The following ATXN10 variants were observed in gnomAD, a reference collection of about 807,000 sequenced individuals.
ATXN10 encodes ataxin-10.
Under a neutral mutation model 52.9 loss-of-function variants are expected in ATXN10, and 28 were observed. The ratio of observed to expected loss-of-function variants is 0.53; its 90% CI spans 0.39 to 0.73. ATXN10 has a LOEUF of 0.73. ATXN10 is among the 30% of genes least tolerant of loss of function. The pLI is 0.00. For missense variants in ATXN10, 565 were observed against 577.0 expected (o/e 0.98, Z 0.21); for synonymous variants, 226 against 221.5 (o/e 1.02, Z -0.18).
intron 9 of ATXN10, among the ~76,000 whole-genome samples, chr22:45,788,438 C>A (rs1927393594): frequency 6.6e-6 from 1 of 151,172 alleles, no homozygotes; most frequent in Admixed American, 6.6e-5. Flanking sequence ...GTCTGATCTA[C>A]CTTTACCATG....
chr22:45,794,106 G>A (rs1927620793), intron 9 of ATXN10, among the ~76,000 whole-genome samples: 1 of 152,214 alleles, frequency 6.6e-6, no homozygotes, highest in Admixed American at 6.5e-5. Flanking sequence ...ACTTCTGGGT[G>A]TTGCCATGGC....
rs1444144434 is a variant in ATXN10 at position 45,783,975 on chromosome 22, C to T, written c.1174-22984C>T. Among the ~76,000 whole-genome samples the T allele has an allele frequency of 6.6e-6, 1 of 152,164 alleles. No homozygotes were observed. Among genetic ancestry groups the T allele is most frequent in the Non-Finnish European group, 1.5e-5 (1 of 68,016 alleles). ...GCTGAGGCTGGCGGCCCACTACCCG[C>T]ATTTGTCCCTGACTGCTTTGCAGGC... is the stretch of plus-strand genomic sequence containing the variant. On this transcript the variant is annotated intron_variant, in intron 9 of 11. Transcript: ENST00000252934. The surrounding 1 kb of genome is among the most constrained non-coding windows in gnomAD (Gnocchi z 5.0).
At chr22:45,679,177 T>C (rs967363714) in intron 1 of ATXN10, 21 of 152,262 alleles carry the variant, frequency 1.4e-4, no homozygotes, top group Middle Eastern at 3.4e-3. Flanking sequence ...CTCACTAGAG[T>C]GAGAGCAGCC....
In ATXN10 at chr22:45,750,855, G is replaced by A. The variant is rs1183285897; in HGVS notation, c.1173+10317G>A. Among the ~76,000 whole-genome samples, 3 of 152,142 alleles carry A rather than the reference G, an allele frequency of 2.0e-5. No individual in the cohort carries two copies. Among genetic ancestry groups the A allele is most frequent in the African/African-American group, 7.2e-5 (3 of 41,458 alleles). On this transcript the variant is annotated intron_variant, in intron 9 of 11. Coordinates refer to ENST00000252934, the MANE Select transcript of ATXN10 (RefSeq NM_013236.4). This position sits in a 1 kb window ranked among gnomAD's most constrained non-coding sequence, Gnocchi z 4.2. ...TACAAAAGCTTGTAAAAAAGCTTAT[G>A]TAAAGAGTTTTTCTCCATGATAAGA...
rs187016417 is a variant in ATXN10, at chr22:45,763,269, G to A, written c.1173+22731G>A. 2.0e-4 allele frequency among the ~76,000 whole-genome samples: 30 copies of A among 152,276 alleles called. No individual in the cohort carries two copies. In the East Asian group the frequency reaches 4.2e-3, roughly 22 times the overall value. On this transcript the variant is annotated intron_variant, in intron 9 of 11. Coordinates refer to ENST00000252934, the MANE Select transcript of ATXN10 (RefSeq NM_013236.4). This position sits in a 1 kb window ranked among gnomAD's most constrained non-coding sequence, Gnocchi z 6.9. ...AGTGAGGTGGTGAGGTGGGCCTGGC[G>A]TGTTCAAGGCAGAGAAGGAAGGAAC...
Position 45,837,425 on chromosome 22 carries a change from C to G in ATXN10, c.1238-5566C>G, listed in dbSNP as rs1267787337. Among the ~76,000 whole-genome samples, 2 of 152,062 alleles carry G rather than the reference C, an allele frequency of 1.3e-5. No individual in the cohort carries two copies. Among genetic ancestry groups the G allele is most frequent in the Non-Finnish European group, 2.9e-5 (2 of 68,020 alleles). ...GCAGGCGGCTCACCAGCACGCCCAG[C>G]TGATTTTTTTGTATATTTAGTAGAG... On this transcript the variant is annotated intron_variant, in intron 10 of 11. Transcript: ENST00000252934. This position sits in a 1 kb window ranked among gnomAD's most constrained non-coding sequence, Gnocchi z 5.8.
intron 9 of ATXN10, chr22:45,793,666 A>G (rs766158392): frequency 7.0e-7 from 1 of 1,422,802 alleles, no homozygotes; most frequent in Admixed American, 2.4e-5. Flanking sequence ...CAGGTGCCAC[A>G]GCATCTCAAG....
intron 9 of ATXN10, among the ~76,000 whole-genome samples, chr22:45,791,581 G>T (rs1048568776): frequency 6.6e-6 from 1 of 152,134 alleles, no homozygotes; most frequent in African/African-American, 2.4e-5. Context: ...GTTCATTGTA[G>T]ATTTTCTGAT....
In ATXN10 at chr22:45,730,781, C is replaced by T. The variant is rs183003135; in HGVS notation, c.894+1191C>T. The stretch of plus-strand genomic sequence containing the variant: ...ACTTATTTTAGATAATACTGTAGTA[C>T]ATGCCTTTATAGTTACATCTTTGCA... On this transcript the variant is annotated intron_variant, in intron 7 of 11. Coordinates refer to ENST00000252934, the MANE Select transcript of ATXN10 (RefSeq NM_013236.4). Among the ~76,000 whole-genome samples, 113 of 152,278 alleles carry T rather than the reference C, an allele frequency of 7.4e-4. 1 individual carries two copies. The highest frequency in any genetic ancestry group is 3.4e-3 in the Middle Eastern group (1 of 294).
At chr22:45,695,001 G>A (rs1923545981) in intron 3 of ATXN10, among the ~76,000 whole-genome samples, 2 of 149,420 alleles carry the variant, frequency 1.3e-5, no homozygotes, top group South Asian at 4.3e-4. Flanking sequence ...AAATTTCCAG[G>A]TGGATAAGTT....
At chr22:45,714,569 A>G (rs1924375352) in intron 5 of ATXN10, among the ~76,000 whole-genome samples, 2 of 151,942 alleles carry the variant, frequency 1.3e-5, no homozygotes, top group East Asian at 3.9e-4. Flanking sequence ...TTTTGTAGAG[A>G]TGGGGTCTCA....
At chr22:45,680,441 A>G (rs1922875398) in intron 1 of ATXN10, among the ~76,000 whole-genome samples, 1 of 152,206 alleles carries the variant, frequency 6.6e-6, no homozygotes, top group African/African-American at 2.4e-5. Context: ...ATAAAATTGC[A>G]GCAGGGTTTT....
rs529684335 is a variant in ATXN10 at position 45,713,833 on chromosome 22, C to T, written c.648-4580C>T. On this transcript the variant is annotated intron_variant, in intron 5 of 11. Coordinates refer to ENST00000252934, the MANE Select transcript of ATXN10 (RefSeq NM_013236.4). The stretch of plus-strand genomic sequence containing the variant: ...TTCCATATTCCTATATAAAGACTTT[C>T]CTCAGTTAAAGATCTTTCATTGTAT... Among the ~76,000 whole-genome samples the T allele has an allele frequency of 2.0e-5, 3 of 152,204 alleles. No homozygotes were observed. In the East Asian group the frequency reaches 5.8e-4, roughly 29 times the overall value.
chr22:45,717,072 C>CT (rs1924476003), intron 5 of ATXN10, among the ~76,000 whole-genome samples: 1 of 152,102 alleles, frequency 6.6e-6, no homozygotes, highest in South Asian at 2.1e-4. Context: ...TTTCTAAGTC[C>CT]TTTTTTTCCC....
chr22:45,704,125 C>CTT (rs56862831), intron 5 of ATXN10: 96 of 140,554 alleles, frequency 6.8e-4, no homozygotes, highest in East Asian at 1.6e-3. Context: ...CTGTTCAGTG[C>CTT]TTTTTTTTTT....
rs1398035360 is a variant in ATXN10, at chr22:45,708,099, G to A, written c.647+5252G>A. 6.6e-6 allele frequency among the ~76,000 whole-genome samples: 1 copy of A among 152,212 alleles called. No homozygotes were observed. The highest frequency in any genetic ancestry group is 2.4e-5 in the African/African-American group (1 of 41,446). The stretch of plus-strand genomic sequence containing the variant: ...TTGAGTATACTAGAGACACAGGAAA[G>A]TGTAGGCGAGAAAGTCTTTGGCACT... On this transcript the variant is annotated intron_variant, in intron 5 of 11. Coordinates refer to ENST00000252934, the MANE Select transcript of ATXN10 (RefSeq NM_013236.4). The surrounding 1 kb of genome is among the most constrained non-coding windows in gnomAD (Gnocchi z 5.3).
At chr22:45,773,523 A>G (rs567504899) in intron 9 of ATXN10, among the ~76,000 whole-genome samples, 14 of 152,076 alleles carry the variant, frequency 9.2e-5, no homozygotes, top group Middle Eastern at 3.4e-3. Context: ...CAGTGGTGCA[A>G]TCTCGGCTCA....
chr22:45,767,896 T>G (rs540554557), intron 9 of ATXN10, among the ~76,000 whole-genome samples: 1 of 152,334 alleles, frequency 6.6e-6, no homozygotes, highest in East Asian at 1.9e-4. Flanking sequence ...CTGAAATACT[T>G]ACACTGTGTG....
At chr22:45,807,071 T>C (rs764063393) in intron 10 of ATXN10, 49 bp downstream of exon 10, 7 of 1,492,258 alleles carry the variant, frequency 4.7e-6, no homozygotes, top group Non-Finnish European at 5.6e-6. Context: ...CCGGGGCCCT[T>C]AGCAAAACAA....
Sources: allele counts gnomAD v4.1 joint callset (sites outside exome capture counted in the v4.1 genomes callset), GRCh38; gene constraint gnomAD v4.1.1; non-coding constraint Gnocchi (gnomAD v3.1); transcripts MANE v1.5; gene names NCBI Gene and HGNC (gene_info 2026-07-23, HGNC 2026-07-21).